Variants in GABBR2 observed in about 807,000 individuals in gnomAD.
GABBR2 encodes the protein gamma-aminobutyric acid type B receptor subunit 2.
In GABBR2, 23 loss-of-function variants were observed where a neutral mutation model predicts 105.6. The observed-to-expected ratio is 0.22, with a 90% CI of 0.16 to 0.31. The LOEUF is 0.31. GABBR2 is among the 10% of genes least tolerant of loss of function. GABBR2 has a pLI of 1.00. For synonymous variants in GABBR2, 478 were observed against 499.7 expected (o/e 0.96, Z 0.58); for missense variants, 734 against 1,245.5 (o/e 0.59, Z 6.18).
chr9:98,323,610 C>A (rs554798986), intron 13 of GABBR2, among the ~76,000 whole-genome samples: 1 of 152,190 alleles, frequency 6.6e-6, no homozygotes, highest in Admixed American at 6.5e-5. Context: ...AGGGCCCTGC[C>A]CAAGCTGTCC....
chr9:98,450,008 A>G (rs1826204894), intron 7 of GABBR2, among the ~76,000 whole-genome samples: 2 of 152,304 alleles, frequency 1.3e-5, no homozygotes, highest in African/African-American at 2.4e-5. Flanking sequence ...GATGCATGGA[A>G]GACATTTCTT....
intron 4 of GABBR2, among the ~76,000 whole-genome samples, chr9:98,482,782 G>A (rs1287904210): frequency 1.3e-5 from 2 of 152,082 alleles, no homozygotes; most frequent in African/African-American, 4.8e-5. Context: ...CCCAGTGGTT[G>A]TCAATTCATC....
intron 1 of GABBR2, among the ~76,000 whole-genome samples, chr9:98,608,752 C>T (rs1420326327): frequency 6.6e-6 from 1 of 152,180 alleles, no homozygotes; most frequent in African/African-American, 2.4e-5. Flanking sequence ...TCATTTAGTG[C>T]ACTCTTTAGC....
chr9:98,684,169 TAAAAAAAAAAAA>T (rs3032196), intron 1 of GABBR2, among the ~76,000 whole-genome samples: 1 of 66,116 alleles, frequency 1.5e-5, no homozygotes, highest in Non-Finnish European at 2.7e-5. Flanking sequence ...TTTACCACGG[TAAAAAAAAAAAA>T]AAAAAAAAAA....
At chr9:98,655,253 G>A (rs1361400399) in intron 1 of GABBR2, among the ~76,000 whole-genome samples, 2 of 152,132 alleles carry the variant, frequency 1.3e-5, no homozygotes, top group Non-Finnish European at 2.9e-5. Flanking sequence ...ATTGAAGTAG[G>A]TTCATTGATT....
At chr9:98,299,693 C>T (rs926630092) in intron 16 of GABBR2, among the ~76,000 whole-genome samples, 1 of 152,132 alleles carries the variant, frequency 6.6e-6, no homozygotes, top group Admixed American at 6.5e-5. Flanking sequence ...AAGGCTGCCC[C>T]TTACTTGCAG....
intron 4 of GABBR2, among the ~76,000 whole-genome samples, chr9:98,488,611 GTCTT>G (rs988566406): frequency 3.3e-5 from 5 of 150,802 alleles, no homozygotes; most frequent in Non-Finnish European, 2.9e-5. Context: ...GCTTATCTCT[GTCTT>G]TCTGTCATTC....
At chr9:98,599,890 G>C (rs562898800) in intron 1 of GABBR2, among the ~76,000 whole-genome samples, 1 of 152,188 alleles carries the variant, frequency 6.6e-6, no homozygotes, top group South Asian at 2.1e-4. Flanking sequence ...TGACCAGCCC[G>C]GTCTGGCTAA....
intron 7 of GABBR2, among the ~76,000 whole-genome samples, chr9:98,444,841 G>GCGTGCA (rs1292173468): frequency 2.7e-5 from 4 of 150,734 alleles, no homozygotes; most frequent in African/African-American, 7.4e-5. Flanking sequence ...TCCAACGCAT[G>GCGTGCA]CGTGCACGTG....
At chr9:98,386,980 C>A (rs1157759554) in intron 10 of GABBR2, among the ~76,000 whole-genome samples, 2 of 152,156 alleles carry the variant, frequency 1.3e-5, no homozygotes, top group African/African-American at 4.8e-5. Context: ...TTGCCTTGGA[C>A]ACACATGAAG....
chr9:98,490,574 T>G (rs950501714), intron 4 of GABBR2, among the ~76,000 whole-genome samples: 1 of 152,222 alleles, frequency 6.6e-6, no homozygotes, highest in South Asian at 2.1e-4. Context: ...AGCACCCGGA[T>G]TGAACTGAGG....
chr9:98,521,927 G>T lies in GABBR2; in HGVS notation c.630+19946C>A, dbSNP rs192947737. 1.1e-3 allele frequency among the ~76,000 whole-genome samples: 175 copies of T among 152,252 alleles called. 1 individual carries two copies. The highest frequency in any genetic ancestry group is 3.9e-3 in the African/African-American group (160 of 41,544). ...AAAGAAAGAATATCATCTCTAAAAA[G>T]AATTGCTGTAGGAAATAAAGGTAAA... On this transcript the variant is annotated intron_variant, in intron 3 of 18. Transcript: ENST00000259455.
chr9:98,377,380 G>A (rs1228025412), intron 11 of GABBR2, among the ~76,000 whole-genome samples: 1 of 152,154 alleles, frequency 6.6e-6, no homozygotes, highest in African/African-American at 2.4e-5. Flanking sequence ...GGGCAAGTAT[G>A]GTGTATCATT....
chr9:98,578,011 A>C lies in GABBR2; in HGVS notation c.383T>G (p.Leu128Trp). The C allele has an allele frequency of 6.2e-7, 1 of 1,614,006 alleles. No homozygotes were observed. Among genetic ancestry groups the C allele is most frequent in the Non-Finnish European group, 8.5e-7 (1 of 1,179,854 alleles). Residue 128 changes from leucine to tryptophan, a missense_variant, in exon 2 of 19, where the codon TTG (leucine) becomes TGG (tryptophan). Physicochemically the swap from Leu to Trp is moderately conservative, Grantham distance 61. Transcript: ENST00000259455. ...YDAIKYGPNH[L>W]MVFGGVCPSV... ...TGGACAGACGCCTCCAAACACCATC[A>C]AGTGGTTAGGCCCGTATTTTATTGC...
At chr9:98,633,442 G>A (rs998468236) in intron 1 of GABBR2, among the ~76,000 whole-genome samples, 3 of 151,992 alleles carry the variant, frequency 2.0e-5, no homozygotes, top group Non-Finnish European at 1.5e-5. Context: ...GGCCAACGTG[G>A]TGAAACCCCG....
intron 7 of GABBR2, among the ~76,000 whole-genome samples, chr9:98,444,940 A>G (rs1008212571): frequency 6.6e-6 from 1 of 152,372 alleles, no homozygotes; most frequent in Admixed American, 6.5e-5. Context: ...CAGGTATCAC[A>G]GCAAGAATTT....
chr9:98,539,457 C>T (rs1828247880), intron 3 of GABBR2, among the ~76,000 whole-genome samples: 1 of 152,118 alleles, frequency 6.6e-6, no homozygotes, highest in African/African-American at 2.4e-5. Flanking sequence ...AAAATTTAGT[C>T]CTGACTTTTC....
At chr9:98,680,591 G>A (rs1369746074) in intron 1 of GABBR2, among the ~76,000 whole-genome samples, 1 of 152,214 alleles carries the variant, frequency 6.6e-6, no homozygotes, top group South Asian at 2.1e-4. Context: ...TTACAGGCAT[G>A]AGCCACCATG....
chr9:98,630,694 C>A (rs1439835260), intron 1 of GABBR2, among the ~76,000 whole-genome samples: 2 of 152,130 alleles, frequency 1.3e-5, no homozygotes, highest in Non-Finnish European at 2.9e-5. Flanking sequence ...TTCAAGCCAG[C>A]AAAGACCACC....
Sources: gnomAD v4.1 joint callset for allele counts (sites outside exome capture counted in the v4.1 genomes callset) on GRCh38, gnomAD v4.1.1 for gene constraint, MANE v1.5 for transcripts, NCBI Gene and HGNC (gene_info 2026-07-23, HGNC 2026-07-21) for gene names.